Variants in REX1BD observed in about 807,000 individuals in gnomAD.
REX1BD encodes the protein required for excision 1-B domain-containing protein.
In REX1BD, 22 loss-of-function variants were observed where a neutral mutation model predicts 24.4. The observed-to-expected ratio is 0.90, with a 90% CI of 0.64 to 1.29. The LOEUF is 1.29. Among genes scored for constraint, REX1BD ranks in the 50% most tolerant of loss-of-function variants. The pLI is 0.00. For synonymous variants in REX1BD, 146 were observed against 125.9 expected, an observed-to-expected ratio of 1.16 and a Z score of -1.07; for missense variants, 293 against 285.3, an observed-to-expected ratio of 1.03 and a Z score of -0.19.
chr19:18,589,125 C>G (rs1420128245), intron 2 of REX1BD, 48 bp downstream of exon 2: 2 of 1,459,748 alleles, frequency 1.4e-6, no homozygotes, highest in East Asian at 5.0e-5. Flanking sequence ...CCGCCCGCTC[C>G]GGGCGTGGGC....
chr19:18,589,365 C>CCAGT, intron 2 of REX1BD, 48 bp from the exon 3 acceptor site: 4 of 1,550,822 alleles, frequency 2.6e-6, no homozygotes, highest in Non-Finnish European at 3.5e-6. Flanking sequence ...TTCCTACCTA[C>CCAGT]CAGTCCTCCC....
intron 3 of REX1BD, chr19:18,590,100 TTC>T (rs1324739250): frequency 1.7e-5 from 3 of 181,700 alleles, no homozygotes; most frequent in African/African-American, 7.0e-5. Flanking sequence ...CTTTGCCTAT[TTC>T]TCTCTTGCGA....
In REX1BD at chr19:18,590,770, CTG is replaced by C. The variant is rs550554936; in HGVS notation, c.454-82_454-81del. The C allele has an allele frequency of 6.0e-4, 838 of 1,385,268 alleles. 4 individuals carry two copies. Among genetic ancestry groups the C allele is most frequent in the South Asian group, 2.2e-3 (167 of 77,670 alleles). 85.8% of individuals were successfully genotyped at this position (1,385,268 alleles called of 1,614,324 possible). ...CCGGGCACTGCCTTTCTGGGTGCCT[CTG>C]TTTTTTCCTGAACATCCTTGGAGGG... On this transcript the variant is annotated intron_variant, in intron 3 of 4. Coordinates refer to ENST00000358607, the MANE Select transcript of REX1BD (RefSeq NM_001100418.2).
intron 3 of REX1BD, 115 bp downstream of exon 3, chr19:18,589,798 C>T (rs1976000811): frequency 9.0e-6 from 12 of 1,339,400 alleles, no homozygotes; most frequent in African/African-American, 3.1e-5. Context: ...TCACCCCTTC[C>T]TGTCCCACCC....
At chr19:18,590,822 G>GGTCAGGAGCAGAACCC (rs1217930708) in intron 3 of REX1BD, 32 bp from the exon 4 acceptor site, 1 of 1,583,270 alleles carries the variant, frequency 6.3e-7, no homozygotes, top group Non-Finnish European at 8.6e-7. Flanking sequence ...TGCTCGTGGA[G>GGTCAGGAGCAGAACCC]ACATCCTTCG....
intron 3 of REX1BD, 147 bp downstream of exon 3, chr19:18,589,830 C>T (rs1976001489): frequency 3.3e-6 from 4 of 1,201,810 alleles, no homozygotes; most frequent in Admixed American, 7.2e-5. Context: ...TAAGGCTTCA[C>T]TTGGGGATTC....
chr19:18,592,030 C>T, intron 4 of REX1BD, 78 bp from the exon 5 acceptor site: 2 of 1,556,836 alleles, frequency 1.3e-6, no homozygotes, highest in Non-Finnish European at 1.8e-6. Context: ...ACCACAGCCA[C>T]AGCCCTCTTG....
intron 3 of REX1BD, chr19:18,589,980 A>T (rs1976004160): frequency 2.6e-6 from 1 of 386,368 alleles, no homozygotes; most frequent in Non-Finnish European, 4.6e-6. Flanking sequence ...TGCTCCACCC[A>T]CTCTGGTTGT....
intron 2 of REX1BD, 129 bp downstream of exon 2, chr19:18,589,206 A>G (rs1975982494): frequency 6.7e-7 from 1 of 1,502,432 alleles, no homozygotes; most frequent in Non-Finnish European, 8.9e-7. Flanking sequence ...TGGGGCGGGG[A>G]TTTCGGGGCA....
chr19:18,589,178 T>A (rs1302083246), intron 2 of REX1BD, 101 bp downstream of exon 2: 2 of 1,484,986 alleles, frequency 1.3e-6, no homozygotes, highest in Non-Finnish European at 1.8e-6. Flanking sequence ...TGGGTCCTTG[T>A]GTGGCTGCAG....
At chr19:18,590,184 C>G (rs1421086066) in intron 3 of REX1BD, 3 of 153,780 alleles carry the variant, frequency 2.0e-5, no homozygotes, top group African/African-American at 7.4e-5. Flanking sequence ...CGACCCGTCT[C>G]AGCGTCTCTT....
intron 3 of REX1BD, chr19:18,590,098 A>G (rs1049274737): frequency 4.5e-5 from 8 of 178,770 alleles, no homozygotes; most frequent in East Asian, 2.9e-4. Flanking sequence ...TTCTTTGCCT[A>G]TTTCTCTCTT....
chr19:18,589,523 C>A lies in REX1BD; in HGVS notation c.293C>A (p.Ala98Glu). The change falls in exon 3 of 5, where the codon GCG (alanine) becomes GAG (glutamate). Residue 98 changes from alanine to glutamate, a missense_variant. Coordinates refer to ENST00000358607, the MANE Select transcript of REX1BD (RefSeq NM_001100418.2). ...CGCAGCGGCCCTGACTACGACTTCG[C>A]GCGCTACCGGAGCACAGTGCACGGG... ...YLRSGPDYDF[A>E]RYRSTVHGVT... The A allele has an allele frequency of 6.3e-7, 1 of 1,578,796 alleles. No individual in the cohort carries two copies. The highest frequency in any genetic ancestry group is 8.6e-7 in the Non-Finnish European group (1 of 1,168,454).
Position 18,588,844 on chromosome 19 carries a change from CCTG to C in REX1BD, c.50_52del (p.Ala17del). 3 of 1,533,492 alleles carry C rather than the reference CCTG, an allele frequency of 2.0e-6. No homozygotes were observed. Among genetic ancestry groups the C allele is most frequent in the Non-Finnish European group, 2.6e-6 (3 of 1,146,044 alleles). 95.0% of individuals were successfully genotyped at this position (1,533,492 alleles called of 1,614,324 possible). A position where few individuals can be genotyped will look rare whatever the true frequency, so the allele number is the denominator to read the frequency against. ...GGCGGAGCCTACGGTCCCTGCAGTG[CCTG>C]CTGCTGAGGAGGCCACCGAAGCTCG... On this transcript the variant is annotated inframe_deletion, in exon 1 of 5. Coordinates refer to ENST00000358607, the MANE Select transcript of REX1BD (RefSeq NM_001100418.2).
rs781227605 is a variant in REX1BD, at chr19:18,590,940, G to A, written c.533+7G>A. On this transcript the variant is annotated splice_region_variant and intron_variant, in intron 4 of 4. Coordinates refer to ENST00000358607, the MANE Select transcript of REX1BD (RefSeq NM_001100418.2). ...TGCAGCAGCTGAAAATGAAGTGAGC[G>A]CTGCTGCCCAAGCCGCCTGGCTATG... The A allele has an allele frequency of 6.4e-7, 1 of 1,553,916 alleles. No individual in the cohort carries two copies. Among genetic ancestry groups the A allele is most frequent in the Non-Finnish European group, 8.7e-7 (1 of 1,149,732 alleles).
rs988219612 is a variant in REX1BD at position 18,592,171 on chromosome 19, T to C, written c.597T>C (p.Ser199=). ...AGGACCTTAGGTTTGATGCGGAATC[T>C]GCCGAGTGATGGCGGCTCCCCAGGG... The part of the protein sequence containing the change: ...VLQDLRFDAE[S]AE Residue 199 remains serine (S), a synonymous_variant, in exon 5 of 5, where the codon TCT becomes TCC. Coordinates refer to ENST00000358607, the MANE Select transcript of REX1BD (RefSeq NM_001100418.2). 2 of 1,614,100 alleles carry C rather than the reference T, an allele frequency of 1.2e-6. No homozygotes were observed. Among genetic ancestry groups the C allele is most frequent in the African/African-American group, 1.3e-5 (1 of 75,068 alleles).
chr19:18,589,445 G>A lies in REX1BD; in HGVS notation c.215G>A (p.Trp72Ter). ...WLAPVQGLRA[W>*]GRGLRVPTCR... The stretch of plus-strand genomic sequence containing the variant: ...GCGCCGGTGCAGGGCCTGAGAGCCT[G>A]GGGGCGCGGCCTCAGGGTCCCCACA... The change falls in exon 3 of 5, where the codon TGG becomes TAG. Residue 72 changes from tryptophan to a stop codon, truncating the protein, a stop_gained. Transcript: ENST00000358607. LOFTEE classifies it high-confidence loss of function. 2.6e-6 allele frequency: 4 copies of A among 1,558,506 alleles called. No homozygotes were observed. The highest frequency in any genetic ancestry group is 3.5e-6 in the Non-Finnish European group (4 of 1,151,926).
Position 18,589,641 on chromosome 19 carries a change from C to G in REX1BD, c.411C>G (p.His137Gln), listed in dbSNP as rs879685326. The G allele has an allele frequency of 8.6e-6, 13 of 1,512,150 alleles. No individual in the cohort carries two copies. Among genetic ancestry groups the G allele is most frequent in the Admixed American group, 4.2e-5 (2 of 47,206 alleles). 93.7% of individuals were successfully genotyped at this position (1,512,150 alleles called of 1,614,324 possible). ...GPRRQPLLAG[H>Q]VRSLQELEQT... ...GCAGGCAGCCGCTGCTCGCCGGCCA[C>G]GTGCGCAGCCTGCAGGAGCTGGAGC... is the stretch of plus-strand genomic sequence containing the variant. The change falls in exon 3 of 5, where the codon CAC becomes CAG. Residue 137 changes from histidine to glutamine, a missense_variant. His to Gln is a conservative substitution (Grantham distance 24). Coordinates refer to ENST00000358607, the MANE Select transcript of REX1BD (RefSeq NM_001100418.2).
rs117537939 is a variant in REX1BD, at chr19:18,591,717, C to T, written c.534-391C>T. On this transcript the variant is annotated intron_variant, in intron 4 of 4. Coordinates refer to ENST00000358607, the MANE Select transcript of REX1BD (RefSeq NM_001100418.2). ...TCTTGGCTTACCGTAACCTCTGCCT[C>T]CTAAGTAGCTTGGATTACAGATGCC... The T allele has an allele frequency of 3.8e-3, 846 of 223,458 alleles. 6 individuals are homozygous for T. Among genetic ancestry groups the T allele is most frequent in the Middle Eastern group, 7.0e-3 (4 of 568 alleles). The allele number at this position is 223,458 out of a possible 1,614,324, so 13.8% of individuals were successfully genotyped here.
Sources: gnomAD v4.1 joint callset for allele counts on GRCh38, gnomAD v4.1.1 for gene constraint, MANE v1.5 for transcripts, NCBI Gene and HGNC (gene_info 2026-07-23, HGNC 2026-07-21) for gene names.